HCN1: variants seen among roughly 807,000 people sequenced by gnomAD.
The protein encoded by HCN1 is potassium/sodium hyperpolarization-activated cyclic nucleotide-gated channel 1.
Under a neutral mutation model 78.9 loss-of-function variants are expected in HCN1, and 13 were observed. The observed-to-expected ratio is 0.16, with a 90% CI of 0.11 to 0.26. HCN1 has a LOEUF of 0.26. Ranked by LOEUF, HCN1 falls within the 10% of genes least tolerant of loss-of-function variation. The pLI, the probability that HCN1 is intolerant of heterozygous loss-of-function variation, is 1.00. For missense variants in HCN1, 810 were observed against 1,154.3 expected (o/e 0.70, Z 4.32); for synonymous variants, 552 against 455.5 (o/e 1.21, Z -2.70).
At chr5:45,538,721 T>C (rs1051452173) in intron 2 of HCN1, among the ~76,000 whole-genome samples, 1 of 152,102 alleles carries the variant, frequency 6.6e-6, no homozygotes, top group South Asian at 2.1e-4. Context: ...ATAAAATCAA[T>C]GTACATTATC....
chr5:45,584,826 A>T (rs1446264573), intron 2 of HCN1, among the ~76,000 whole-genome samples: 1 of 152,100 alleles, frequency 6.6e-6, no homozygotes, highest in Non-Finnish European at 1.5e-5. Context: ...TGGGTTGAAA[A>T]TTCTTTTCTT....
chr5:45,633,946 T>C lies in HCN1; in HGVS notation c.849+11239A>G, dbSNP rs148695002. ...CAAGCCATTGAAAATGTCTGAAATA[T>C]ATGAAATAATGATTCAACTAAATGA... On this transcript the variant is annotated intron_variant, in intron 2 of 7. Transcript: ENST00000303230. 3.8e-4 allele frequency among the ~76,000 whole-genome samples: 58 copies of C among 152,096 alleles called. 1 individual carries two copies. Among genetic ancestry groups the C allele is most frequent in the African/African-American group, 1.4e-3 (58 of 41,538 alleles).
At chr5:45,383,537 C>A (rs1022594020) in intron 4 of HCN1, among the ~76,000 whole-genome samples, 4 of 151,892 alleles carry the variant, frequency 2.6e-5, no homozygotes, top group Non-Finnish European at 4.4e-5. Context: ...TCTACTAAAA[C>A]TACAAAAATT....
At chr5:45,473,723 T>C (rs1741455722) in intron 2 of HCN1, among the ~76,000 whole-genome samples, 1 of 151,806 alleles carries the variant, frequency 6.6e-6, no homozygotes, top group African/African-American at 2.4e-5. Context: ...TGACCTGGTA[T>C]TCCTCTCAAT....
At chr5:45,415,641 T>TA (rs1224675713) in intron 3 of HCN1, among the ~76,000 whole-genome samples, 2 of 152,066 alleles carry the variant, frequency 1.3e-5, no homozygotes, top group Non-Finnish European at 2.9e-5. Context: ...GCTCATTTTG[T>TA]AAGTTTCTCA....
intron 2 of HCN1, among the ~76,000 whole-genome samples, chr5:45,598,207 C>T (rs771371343): frequency 6.6e-6 from 1 of 152,052 alleles, no homozygotes; most frequent in Non-Finnish European, 1.5e-5. Flanking sequence ...GGTACTGGTA[C>T]CAAAATAGAT....
At chr5:45,497,249 G>A (rs1488498976) in intron 2 of HCN1, among the ~76,000 whole-genome samples, 1 of 151,984 alleles carries the variant, frequency 6.6e-6, no homozygotes, top group Non-Finnish European at 1.5e-5. Context: ...TCAATTCCTG[G>A]GTATCCTTGT....
chr5:45,357,716 C>A (rs1002000059), intron 4 of HCN1, among the ~76,000 whole-genome samples: 2 of 151,930 alleles, frequency 1.3e-5, no homozygotes, highest in Non-Finnish European at 2.9e-5. Context: ...GAGTAGGGAT[C>A]ATGTTACAAA....
chr5:45,288,842 G>C (rs994791882), intron 6 of HCN1, among the ~76,000 whole-genome samples: 1 of 151,868 alleles, frequency 6.6e-6, no homozygotes, highest in Non-Finnish European at 1.5e-5. Flanking sequence ...GTAAAACCTG[G>C]GCATAGAATA....
chr5:45,389,091 A>G (rs1003897490), intron 4 of HCN1, among the ~76,000 whole-genome samples: 10 of 152,152 alleles, frequency 6.6e-5, no homozygotes, highest in African/African-American at 2.4e-4. Flanking sequence ...TTTAGGCTAC[A>G]AGATAGCATG....
At chr5:45,295,541 G>A (rs1002993021) in intron 6 of HCN1, among the ~76,000 whole-genome samples, 3 of 151,916 alleles carry the variant, frequency 2.0e-5, no homozygotes, top group African/African-American at 7.2e-5. Context: ...AATATCTGAA[G>A]TTAAAAAATT....
intron 3 of HCN1, among the ~76,000 whole-genome samples, chr5:45,423,532 C>G (rs1740271133): frequency 6.6e-6 from 1 of 152,226 alleles, no homozygotes; most frequent in South Asian, 2.1e-4. Flanking sequence ...TCACTACATT[C>G]TACATGTCTG....
At chr5:45,650,773 T>A (rs2112039992) in intron 1 of HCN1, among the ~76,000 whole-genome samples, 1 of 152,066 alleles carries the variant, frequency 6.6e-6, no homozygotes, top group African/African-American at 2.4e-5. Context: ...AATTTCAAAT[T>A]CAGTCATACT....
chr5:45,602,128 A>T (rs1744637037), intron 2 of HCN1, among the ~76,000 whole-genome samples: 2 of 152,090 alleles, frequency 1.3e-5, no homozygotes, highest in Admixed American at 6.6e-5. Context: ...CTCCCAAGCC[A>T]TGCAAAACTA....
At chr5:45,497,039 C>T (rs1228001714) in intron 2 of HCN1, among the ~76,000 whole-genome samples, 1 of 152,084 alleles carries the variant, frequency 6.6e-6, no homozygotes, top group South Asian at 2.1e-4. Flanking sequence ...ATCCTGAGTT[C>T]TAGTTTGATT....
intron 2 of HCN1, among the ~76,000 whole-genome samples, chr5:45,534,224 C>T (rs1303109216): frequency 1.3e-5 from 2 of 150,708 alleles, no homozygotes; most frequent in Non-Finnish European, 3.0e-5. Flanking sequence ...AGTGAAACAC[C>T]CGTCTCTACA....
chr5:45,434,234 TATA>T (rs1257474801), intron 3 of HCN1, among the ~76,000 whole-genome samples: 16 of 152,196 alleles, frequency 1.1e-4, no homozygotes, highest in Non-Finnish European at 2.2e-4. Flanking sequence ...GGGAAAGTGG[TATA>T]ATATGCATTT....
rs2111836055 is a variant in HCN1 at position 45,260,630 on chromosome 5, A to C, written c.*1291T>G. 1 of 152,722 alleles carries C rather than the reference A, an allele frequency of 6.5e-6. No homozygotes were observed. Among genetic ancestry groups the C allele is most frequent in the East Asian group, 1.9e-4 (1 of 5,190 alleles). 9.5% of individuals were successfully genotyped at this position (152,722 alleles called of 1,614,324 possible). On this transcript the variant is annotated 3_prime_UTR_variant, in exon 8 of 8. Coordinates refer to ENST00000303230, the MANE Select transcript of HCN1 (RefSeq NM_021072.4). ...ATGCTGTATTGAATTTATTTCTTTA[A>C]ATTAATACCATAGTAAATTACCAGC...
chr5:45,621,536 GA>G (rs1249844803), intron 2 of HCN1, among the ~76,000 whole-genome samples: 1 of 152,038 alleles, frequency 6.6e-6, no homozygotes, highest in East Asian at 1.9e-4. Flanking sequence ...AAGCATGGGG[GA>G]TAAAAAATCT....
Sources: allele counts gnomAD v4.1 joint callset (sites outside exome capture counted in the v4.1 genomes callset), GRCh38; gene constraint gnomAD v4.1.1; transcripts MANE v1.5; gene names NCBI Gene and HGNC (gene_info 2026-07-23, HGNC 2026-07-21).